The following C12orf54 variants were observed in gnomAD, a reference collection of about 807,000 sequenced individuals.
C12orf54 encodes uncharacterized protein C12orf54.
A neutral mutation model predicts 26.4 loss-of-function variants in C12orf54; 24 were observed. That is an observed-to-expected ratio of 0.91 (90% confidence interval 0.66 to 1.28). C12orf54 has a LOEUF of 1.28. Among genes scored for constraint, C12orf54 ranks in the 50% most tolerant of loss-of-function variants. The probability of loss-of-function intolerance (pLI) is 0.00; values close to 1 mark genes in which losing one functional copy is unlikely to be tolerated. For missense variants in C12orf54, 154 were observed against 150.9 expected, an observed-to-expected ratio of 1.02 and a Z score of -0.11; for synonymous variants, 54 against 47.0, an observed-to-expected ratio of 1.15 and a Z score of -0.61.
intron 4 of C12orf54, among the ~76,000 whole-genome samples, chr12:48,488,656 A>T (rs916103713): frequency 1.8e-4 from 27 of 152,226 alleles, no homozygotes; most frequent in African/African-American, 6.3e-4. Flanking sequence ...AGGTTTCATT[A>T]TACATTCAAT....
upstream of C12orf54, among the ~76,000 whole-genome samples, chr12:48,478,319 T>C (rs776455121): frequency 2.6e-5 from 4 of 152,082 alleles, no homozygotes; most frequent in Non-Finnish European, 4.4e-5. Flanking sequence ...CTCAAAGCAT[T>C]CCCTTTGAAA....
the C12orf54 span, among the ~76,000 whole-genome samples, chr12:48,455,687 A>G: frequency 1.3e-5 from 2 of 152,224 alleles, no homozygotes; most frequent in Admixed American, 1.3e-4. Context: ...ACATGATTGT[A>G]CAGAAGAGCT....
chr12:48,461,030 C>T, the C12orf54 span, among the ~76,000 whole-genome samples: 1 of 151,914 alleles, frequency 6.6e-6, no homozygotes, highest in Admixed American at 6.6e-5. Context: ...AAGAAACCCA[C>T]TTTAAATATA....
At chr12:48,418,010 G>A in the C12orf54 span, among the ~76,000 whole-genome samples, 2,531 of 152,228 alleles carry the variant, frequency 0.017, 78 homozygotes, top group African/African-American at 0.057. Context: ...TTGATTCCAT[G>A]TCTTTGCTAG....
chr12:48,495,409 G>A (rs1166283212), intron 8 of C12orf54: 1 of 153,974 alleles, frequency 6.5e-6, no homozygotes, highest in Non-Finnish European at 1.4e-5. Flanking sequence ...GCTTAATTCA[G>A]TGTCAAGAGT....
intron 2 of C12orf54, among the ~76,000 whole-genome samples, chr12:48,484,267 G>C (rs1279095298): frequency 6.6e-6 from 1 of 152,228 alleles, no homozygotes; most frequent in Non-Finnish European, 1.5e-5. Context: ...GCTCAGAATG[G>C]TTAACTGGAC....
the C12orf54 span, among the ~76,000 whole-genome samples, chr12:48,438,007 T>A: frequency 6.6e-6 from 1 of 152,312 alleles, no homozygotes; most frequent in African/African-American, 2.4e-5. Context: ...GAAAACCCCA[T>A]TGTAACAGCC....
At chr12:48,460,228 T>A in the C12orf54 span, among the ~76,000 whole-genome samples, 2 of 152,122 alleles carry the variant, frequency 1.3e-5, no homozygotes, top group African/African-American at 4.8e-5. Context: ...TACAGCCTCT[T>A]CTGATTGTTA....
intron 4 of C12orf54, 49 bp from the exon 5 acceptor site, chr12:48,488,873 TAA>T: frequency 6.8e-7 from 1 of 1,462,138 alleles, no homozygotes; most frequent in Non-Finnish European, 9.6e-7. Flanking sequence ...CCCTCTGTAA[TAA>T]AGTGATCATC....
At chr12:48,489,010 C>T (rs1392243644) in intron 5 of C12orf54, 54 bp downstream of exon 5, 3 of 1,555,716 alleles carry the variant, frequency 1.9e-6, no homozygotes, top group Non-Finnish European at 2.7e-6. Flanking sequence ...GTGCCTTGAT[C>T]CCATTTTTTT....
the C12orf54 span, among the ~76,000 whole-genome samples, chr12:48,464,472 C>A: frequency 1.3e-5 from 2 of 151,944 alleles, no homozygotes; most frequent in Admixed American, 1.3e-4. Context: ...TAGGAAGAAT[C>A]AATATTATTA....
the C12orf54 span, among the ~76,000 whole-genome samples, chr12:48,431,763 C>G: frequency 1.3e-5 from 2 of 152,040 alleles, no homozygotes; most frequent in African/African-American, 4.8e-5. Context: ...CTAGAATAGG[C>G]AAATCTATAT....
intron 6 of C12orf54, among the ~76,000 whole-genome samples, chr12:48,491,566 T>C (rs2731104): frequency 0.035 from 5,290 of 152,262 alleles, 129 homozygotes; most frequent in Non-Finnish European, 0.054. Context: ...ATATGATTCT[T>C]GTCTGTAAAG....
At chr12:48,478,016 G>A (rs910286654), upstream of C12orf54, among the ~76,000 whole-genome samples, 8 of 152,090 alleles carry the variant, frequency 5.3e-5, no homozygotes, top group Admixed American at 2.0e-4. Context: ...CTGGCAAACC[G>A]AATCCAGCAG....
chr12:48,481,938 T>C (rs868484447), upstream of C12orf54, among the ~76,000 whole-genome samples: 10 of 152,320 alleles, frequency 6.6e-5, no homozygotes, highest in African/African-American at 2.2e-4. Context: ...TGGGATATTT[T>C]ATATGCACCA....
chr12:48,446,421 A>G, the C12orf54 span, among the ~76,000 whole-genome samples: 1 of 152,158 alleles, frequency 6.6e-6, no homozygotes, highest in Non-Finnish European at 1.5e-5. Context: ...TTACACAATC[A>G]TTTCTCTATG....
At chr12:48,473,942 C>T in the C12orf54 span, among the ~76,000 whole-genome samples, 3 of 152,204 alleles carry the variant, frequency 2.0e-5, no homozygotes, top group Non-Finnish European at 4.4e-5. Context: ...GGTTTGGGGA[C>T]ATTCCCCATC....
chr12:48,437,830 T>C, the C12orf54 span, among the ~76,000 whole-genome samples: 1 of 152,110 alleles, frequency 6.6e-6, no homozygotes, highest in Non-Finnish European at 1.5e-5. Flanking sequence ...GCATTCCCTT[T>C]GAAAACTGGC....
chr12:48,454,709 T>G, the C12orf54 span, among the ~76,000 whole-genome samples: 3 of 152,244 alleles, frequency 2.0e-5, no homozygotes, highest in African/African-American at 7.2e-5. Context: ...AGATTGAAAT[T>G]ATTTCTTTGT....
Sources: gnomAD v4.1 joint callset for allele counts (sites outside exome capture counted in the v4.1 genomes callset) on GRCh38, gnomAD v4.1.1 for gene constraint, MANE v1.5 for transcripts, NCBI Gene and HGNC (gene_info 2026-07-23, HGNC 2026-07-21) for gene names.